The following HMGB1 variants were observed in gnomAD, a reference collection of about 807,000 sequenced individuals.
HMGB1 encodes the protein high mobility group box 1, also known as high mobility group protein B1.
For missense variants in HMGB1, 79 were observed against 253.5 expected (o/e 0.31, Z 4.67); for synonymous variants, 81 against 84.0 (o/e 0.96, Z 0.19).
intron 1 of HMGB1, among the ~76,000 whole-genome samples, chr13:30,464,895 G>A (rs1411714815): frequency 2.1e-5 from 3 of 142,856 alleles, no homozygotes; most frequent in Non-Finnish European, 4.7e-5. Context: ...GGGGAGGGGC[G>A]GGGGGCGCGC....
chr13:30,460,043 GATA>G lies in HMGB1; in HGVS notation c.*1311_*1313del, dbSNP rs1290593550. 1 of 152,584 alleles carries G rather than the reference GATA, an allele frequency of 6.6e-6. No individual in the cohort carries two copies. The highest frequency in any genetic ancestry group is 1.5e-5 in the Non-Finnish European group (1 of 67,948). 9.5% of individuals were successfully genotyped at this position (152,584 alleles called of 1,614,324 possible). Reference sequence around the variant, plus strand: ...TAAAATACTGGCACTTTAAGAAAACGATAATCTCGAAAACCACAAAATTGCCAA... The same window carrying G: ...TAAAATACTGGCACTTTAAGAAAACGATCTCGAAAACCACAAAATTGCCAA... On this transcript the variant is annotated 3_prime_UTR_variant, in exon 5 of 5. Transcript: ENST00000341423.
At chr13:30,496,995 C>A (rs118003723) in intron 1 of HMGB1, among the ~76,000 whole-genome samples, 58 of 152,250 alleles carry the variant, frequency 3.8e-4, no homozygotes, top group African/African-American at 1.3e-3. Context: ...CCTCTACACA[C>A]GAAAGCCATC....
intron 1 of HMGB1, among the ~76,000 whole-genome samples, chr13:30,541,275 C>T (rs1868866344): frequency 6.8e-6 from 1 of 148,106 alleles, no homozygotes; most frequent in African/African-American, 2.6e-5. Context: ...AGGAGGATCA[C>T]TTGAGCCCAG....
chr13:30,585,542 G>C (rs1871106062), intron 1 of HMGB1, among the ~76,000 whole-genome samples: 1 of 151,908 alleles, frequency 6.6e-6, no homozygotes, highest in Admixed American at 6.6e-5. Context: ...GCCGGGAGTG[G>C]TGGCGCATGC....
At chr13:30,529,443 T>C (rs1241510916) in intron 1 of HMGB1, among the ~76,000 whole-genome samples, 1 of 152,220 alleles carries the variant, frequency 6.6e-6, no homozygotes, top group African/African-American at 2.4e-5. Context: ...TATCTGAACA[T>C]TCTTCCTACA....
At chr13:30,610,023 G>A (rs1333955862) in intron 1 of HMGB1, among the ~76,000 whole-genome samples, 15 of 152,172 alleles carry the variant, frequency 9.9e-5, no homozygotes, top group Admixed American at 8.5e-4. Flanking sequence ...TGACAAGGAC[G>A]AAGATCTTTA....
intron 1 of HMGB1, chr13:30,542,778 G>A (rs999518021): frequency 3.0e-5 from 6 of 200,746 alleles, no homozygotes; most frequent in African/African-American, 9.3e-5. Flanking sequence ...GACACACAAC[G>A]TTGGACCTTG....
At chr13:30,587,577 A>C (rs1372642622) in intron 1 of HMGB1, among the ~76,000 whole-genome samples, 1 of 152,214 alleles carries the variant, frequency 6.6e-6, no homozygotes, top group African/African-American at 2.4e-5. Context: ...TTAGTGATTT[A>C]TTAAATAACT....
chr13:30,517,586 G>A (rs560093441), intron 1 of HMGB1, among the ~76,000 whole-genome samples: 1 of 152,140 alleles, frequency 6.6e-6, no homozygotes, highest in Non-Finnish European at 1.5e-5. Context: ...TAGAGATGGG[G>A]TTTCACCATG....
In HMGB1 at chr13:30,551,203, C is replaced by A. The variant is rs190790989; in HGVS notation, c.-15+65468G>T. On this transcript the variant is annotated intron_variant, in intron 1 of 4. Coordinates refer to the HMGB1 transcript ENST00000405805. ...GTTATGGTGATAAAAGATAAATAAA[C>A]CCCTGATGTATAAACTAAGCACCTT... is the stretch of plus-strand genomic sequence containing the variant. 7.7e-4 allele frequency among the ~76,000 whole-genome samples: 117 copies of A among 152,278 alleles called. 1 individual carries two copies. Among genetic ancestry groups the A allele is most frequent in the African/African-American group, 2.7e-3 (114 of 41,544 alleles).
chr13:30,594,872 G>A (rs1440435639), intron 1 of HMGB1, among the ~76,000 whole-genome samples: 1 of 152,106 alleles, frequency 6.6e-6, no homozygotes, highest in Admixed American at 6.5e-5. Context: ...GCCAACATAC[G>A]TTCTTTTCTG....
Position 30,581,712 on chromosome 13 carries a change from T to C in HMGB1, c.-15+34959A>G, listed in dbSNP as rs75735736. Among the ~76,000 whole-genome samples, 1,471 of 152,284 alleles carry C rather than the reference T, an allele frequency of 9.7e-3. 33 individuals are homozygous for C. The highest frequency in any genetic ancestry group is 0.033 in the African/African-American group (1,386 of 41,554). On this transcript the variant is annotated intron_variant, in intron 1 of 4. Coordinates refer to the HMGB1 transcript ENST00000405805. ...TTCCCAATCAGGACTCTTGCTTTGA[T>C]AGAAGGCCATCTTAACGAGGAGGGA...
chr13:30,481,059 AACCTT>A (rs1887215812), intron 1 of HMGB1, among the ~76,000 whole-genome samples: 1 of 151,184 alleles, frequency 6.6e-6, no homozygotes, highest in Non-Finnish European at 1.5e-5. Flanking sequence ...TTTTTTCTTT[AACCTT>A]ACCTTAAGAA....
intron 1 of HMGB1, among the ~76,000 whole-genome samples, chr13:30,585,950 G>A (rs1213527131): frequency 6.6e-6 from 1 of 152,028 alleles, no homozygotes; most frequent in Non-Finnish European, 1.5e-5. Flanking sequence ...CTTATCTTTA[G>A]CCCACTCCAA....
chr13:30,577,214 C>T (rs1870694385), intron 1 of HMGB1, among the ~76,000 whole-genome samples: 2 of 152,042 alleles, frequency 1.3e-5, no homozygotes, highest in Non-Finnish European at 2.9e-5. Flanking sequence ...GTGGTACACA[C>T]CTGTGGTCCC....
rs1346037309 is a variant in HMGB1, at chr13:30,607,589, C to T, written c.-15+9082G>A. Among the ~76,000 whole-genome samples, 5 of 152,050 alleles carry T rather than the reference C, an allele frequency of 3.3e-5. No individual in the cohort carries two copies. The East Asian group carries it at 9.6e-4, about 29-fold the overall frequency. ...TTACCCAGTCTCAGGTAGTTCTTTA[C>T]AGCAGTGTGAAAATAGACTAATACA... On this transcript the variant is annotated intron_variant, in intron 1 of 4. Transcript: ENST00000405805.
intron 1 of HMGB1, among the ~76,000 whole-genome samples, chr13:30,533,797 T>C (rs1357339964): frequency 6.6e-6 from 1 of 152,104 alleles, no homozygotes; most frequent in African/African-American, 2.4e-5. Flanking sequence ...ATTGTAAATT[T>C]TTCCCTTACA....
At chr13:30,611,922 T>C (rs1448062889) in intron 1 of HMGB1, among the ~76,000 whole-genome samples, 1 of 151,644 alleles carries the variant, frequency 6.6e-6, no homozygotes. Flanking sequence ...CAATTATGCA[T>C]ACGTCTGAAC....
At chr13:30,523,721 G>A (rs1277235675) in intron 1 of HMGB1, among the ~76,000 whole-genome samples, 1 of 147,584 alleles carries the variant, frequency 6.8e-6, no homozygotes, top group Non-Finnish European at 1.5e-5. Context: ...GCTTCATTTG[G>A]CATTTGTTTT....
Sources: gnomAD v4.1 joint callset for allele counts (sites outside exome capture counted in the v4.1 genomes callset) on GRCh38, gnomAD v4.1.1 for gene constraint, MANE v1.5 for transcripts, NCBI Gene and HGNC (gene_info 2026-07-23, HGNC 2026-07-21) for gene names.